SMURF1: variants seen among roughly 807,000 people sequenced by gnomAD.
SMURF1 encodes the protein SMAD specific E3 ubiquitin protein ligase 1.
In SMURF1, 44 loss-of-function variants were observed where a neutral mutation model predicts 98.0. The ratio of observed to expected loss-of-function variants is 0.45; its 90% confidence interval spans 0.35 to 0.58. The LOEUF is 0.58. Among genes scored for constraint, SMURF1 ranks in the 20% least tolerant of loss-of-function variants. SMURF1 has a pLI of 0.00. For missense variants in SMURF1, 687 were observed against 938.4 expected (o/e 0.73, Z 3.50); for synonymous variants, 396 against 374.9 (o/e 1.06, Z -0.65).
intron 1 of SMURF1, among the ~76,000 whole-genome samples, chr7:99,065,932 G>A (rs1796179214): frequency 6.6e-6 from 1 of 152,060 alleles, no homozygotes; most frequent in Non-Finnish European, 1.5e-5. Context: ...TGTAGTCGCA[G>A]CTACTTGGGA....
At chr7:99,119,808 A>G (rs1025851452) in intron 1 of SMURF1, among the ~76,000 whole-genome samples, 13 of 152,196 alleles carry the variant, frequency 8.5e-5, no homozygotes, top group African/African-American at 3.1e-4. Flanking sequence ...GGAGAAAGAG[A>G]GATTGTATAA....
intron 1 of SMURF1, among the ~76,000 whole-genome samples, chr7:99,092,840 A>C (rs1796846326): frequency 6.6e-6 from 1 of 152,210 alleles, no homozygotes; most frequent in Non-Finnish European, 1.5e-5. Context: ...TCAGTCGAAG[A>C]CAATGTTGCA....
chr7:99,097,718 T>A (rs1796986586), intron 1 of SMURF1, among the ~76,000 whole-genome samples: 1 of 152,204 alleles, frequency 6.6e-6, no homozygotes, highest in South Asian at 2.1e-4. Context: ...AATGAATGGC[T>A]TCGAAGACAG....
rs940374764 is a variant in SMURF1 at position 99,052,388 on chromosome 7, C to T, written c.538G>A (p.Ala180Thr). The stretch of plus-strand genomic sequence containing the variant: ...GCACCGGTGCTATCTGTGTAAGGGG[C>T]TGGTTCCTCCATGAAGCAGCTGAGC... ...RPLSCFMEEP[A>T]PYTDSTGAAA... Residue 180 changes from alanine (A) to threonine (T), a missense_variant, in exon 7 of 18, where the codon GCC becomes ACC. Physicochemically the swap from Ala to Thr is moderately conservative, Grantham distance 58. Around this residue, in one of 2 missense-constraint regions of SMURF1, gnomAD observed 415 missense variants for 508.4 expected, o/e 0.82. Coordinates refer to ENST00000361368, the MANE Select transcript of SMURF1 (RefSeq NM_181349.3). 1 of 1,607,644 alleles carries T rather than the reference C, an allele frequency of 6.2e-7. No individual in the cohort carries two copies. The highest frequency in any genetic ancestry group is 1.3e-5 in the African/African-American group (1 of 74,914).
At chr7:99,046,956 T>C (rs185841177) in intron 10 of SMURF1, among the ~76,000 whole-genome samples, 15 of 152,270 alleles carry the variant, frequency 9.9e-5, no homozygotes, top group African/African-American at 3.4e-4. Flanking sequence ...GGCCCCCCAG[T>C]GCTCCCTTAG....
At chr7:99,112,596 C>T (rs1409737526) in intron 1 of SMURF1, among the ~76,000 whole-genome samples, 1 of 152,064 alleles carries the variant, frequency 6.6e-6, no homozygotes, top group Non-Finnish European at 1.5e-5. Context: ...AATTACAAGA[C>T]ATAAACAAAA....
At chr7:99,108,289 C>T (rs1797236826) in intron 1 of SMURF1, among the ~76,000 whole-genome samples, 2 of 147,760 alleles carry the variant, frequency 1.4e-5, no homozygotes, top group Non-Finnish European at 3.0e-5. Flanking sequence ...GCGATCTTGG[C>T]TCACTGCAAC....
chr7:99,091,704 T>TC (rs2150579089), intron 1 of SMURF1, among the ~76,000 whole-genome samples: 1 of 152,156 alleles, frequency 6.6e-6, no homozygotes, highest in South Asian at 2.1e-4. Flanking sequence ...GTCTTATAAT[T>TC]TTTTTTTAAA....
chr7:99,039,009 T>A (rs1055234879), intron 13 of SMURF1, among the ~76,000 whole-genome samples: 2 of 151,666 alleles, frequency 1.3e-5, no homozygotes, highest in Non-Finnish European at 2.9e-5. Flanking sequence ...CTGGCCAACA[T>A]GGTGAAACCC....
intron 16 of SMURF1, 145 bp from the exon 17 acceptor site, chr7:99,033,266 C>T (rs1406307080): frequency 1.3e-6 from 1 of 740,880 alleles, no homozygotes; most frequent in African/African-American, 1.8e-5. Context: ...ATGAGGTTCC[C>T]AGGCCTGGTT....
intron 1 of SMURF1, among the ~76,000 whole-genome samples, chr7:99,129,217 G>A (rs975317601): frequency 8.5e-5 from 13 of 152,092 alleles, no homozygotes; most frequent in South Asian, 6.2e-4. Flanking sequence ...TTCTTTTTAC[G>A]TAGTACATAA....
At chr7:99,056,717 AG>A (rs1469745198) in intron 5 of SMURF1, among the ~76,000 whole-genome samples, 2 of 152,150 alleles carry the variant, frequency 1.3e-5, no homozygotes, top group Non-Finnish European at 2.9e-5. Context: ...AGCCAAGAGA[AG>A]GGGGCCGGGC....
At chr7:99,047,930 G>C in intron 9 of SMURF1, 48 bp from the exon 10 acceptor site, 1 of 1,583,916 alleles carries the variant, frequency 6.3e-7, no homozygotes, top group Non-Finnish European at 8.6e-7. Flanking sequence ...CCGGCCAGGG[G>C]AGCTGCAAGC....
intron 17 of SMURF1, 170 bp downstream of exon 17, chr7:99,032,867 A>C (rs1433487895): frequency 1.1e-6 from 1 of 909,646 alleles, no homozygotes; most frequent in South Asian, 1.6e-5. Context: ...TTGTCATTCA[A>C]CTCTAGAATT....
At chr7:99,134,059 T>C (rs570943021) in intron 1 of SMURF1, among the ~76,000 whole-genome samples, 1 of 151,366 alleles carries the variant, frequency 6.6e-6, no homozygotes, top group South Asian at 2.1e-4. Context: ...CAATATTCTA[T>C]TTCTTGATCT....
At position 99,057,265 on chromosome 7, in the gene SMURF1, G is replaced by A. The variant is rs367924570; in HGVS notation, c.343C>T (p.Arg115Cys). 5 of 1,613,958 alleles carry A rather than the reference G, an allele frequency of 3.1e-6. No individual in the cohort carries two copies. The highest frequency in any genetic ancestry group is 1.7e-5 in the Admixed American group (1 of 59,960). The stretch of plus-strand genomic sequence containing the variant: ...GGGTTTAGTTTGCATAGATCCAAAC[G>A]CTGGTCTGTAAACAAACAATTCAAA... ...ISRLKDTGYQ[R>C]LDLCKLNPSD... The change falls in exon 5 of 18, where the codon CGT becomes TGT. Residue 115 changes from arginine to cysteine, a missense_variant. Arg to Cys is a radical substitution (Grantham distance 180, BLOSUM62 -3). This residue lies in a region of SMURF1 where 415 missense variants were observed against 508.4 expected (regional missense o/e 0.82). Transcript: ENST00000361368.
chr7:99,111,394 T>C (rs931868870), intron 1 of SMURF1, among the ~76,000 whole-genome samples: 10 of 152,338 alleles, frequency 6.6e-5, no homozygotes, highest in African/African-American at 2.2e-4. Context: ...CTGGTAGGCA[T>C]ATAAACTAAA....
chr7:99,112,374 A>G (rs1300084481), intron 1 of SMURF1, among the ~76,000 whole-genome samples: 2 of 152,200 alleles, frequency 1.3e-5, no homozygotes, highest in Non-Finnish European at 2.9e-5. Context: ...ATAAATCTCT[A>G]GTGATTCATC....
chr7:99,090,483 C>G (rs1167104597), intron 1 of SMURF1, among the ~76,000 whole-genome samples: 1 of 152,010 alleles, frequency 6.6e-6, no homozygotes, highest in African/African-American at 2.4e-5. Context: ...TTTCCCTATC[C>G]CAGCAAAGGG....
Sources: gnomAD v4.1 joint callset for allele counts (sites outside exome capture counted in the v4.1 genomes callset) on GRCh38, gnomAD v4.1.1 for gene constraint, gnomAD v4.1.1 regional missense constraint, MANE v1.5 for transcripts, NCBI Gene and HGNC (gene_info 2026-07-23, HGNC 2026-07-21) for gene names.